Variants in EXOC4 observed in about 807,000 individuals in gnomAD.
The protein encoded by EXOC4 is SEC8-like 1.
In EXOC4, 71 loss-of-function variants were observed where a neutral mutation model predicts 107.2. That is an observed-to-expected ratio of 0.66 (90% CI 0.55 to 0.81). The LOEUF is 0.81. Among genes scored for constraint, EXOC4 ranks in the 30% least tolerant of loss-of-function variants. The probability of loss-of-function intolerance (pLI) is 0.00; values close to 1 mark genes in which losing one functional copy is unlikely to be tolerated. For synonymous variants in EXOC4, 456 were observed against 441.2 expected (o/e 1.03, Z -0.42); for missense variants, 1,108 against 1,189.6 (o/e 0.93, Z 1.01).
chr7:133,584,395 G>A (rs1009390519), intron 9 of EXOC4, among the ~76,000 whole-genome samples: 1 of 152,024 alleles, frequency 6.6e-6, no homozygotes, highest in African/African-American at 2.4e-5. Flanking sequence ...ACTCAAGATT[G>A]CATCATTCTC....
intron 1 of EXOC4, among the ~76,000 whole-genome samples, chr7:133,269,012 T>C (rs752554020): frequency 6.6e-6 from 1 of 152,220 alleles, no homozygotes; most frequent in Non-Finnish European, 1.5e-5. Flanking sequence ...TTATAAGTCA[T>C]AATCATTTTG....
intron 11 of EXOC4, among the ~76,000 whole-genome samples, chr7:133,818,918 G>T (rs1797440471): frequency 6.6e-6 from 1 of 151,948 alleles, no homozygotes; most frequent in African/African-American, 2.4e-5. Context: ...AGGCCCCCTT[G>T]CCAGGTAGCT....
chr7:133,953,154 T>C (rs895111452), intron 14 of EXOC4, among the ~76,000 whole-genome samples: 1 of 152,204 alleles, frequency 6.6e-6, no homozygotes, highest in African/African-American at 2.4e-5. Context: ...TAATAATATA[T>C]GCTAAGATCT....
chr7:133,692,297 A>C (rs1794438227), intron 10 of EXOC4, among the ~76,000 whole-genome samples: 1 of 152,060 alleles, frequency 6.6e-6, no homozygotes, highest in Admixed American at 6.5e-5. Flanking sequence ...ACACATTATT[A>C]GTTGTAAAAA....
intron 10 of EXOC4, among the ~76,000 whole-genome samples, chr7:133,632,071 C>A (rs1802605329): frequency 6.6e-6 from 1 of 152,006 alleles, no homozygotes; most frequent in African/African-American, 2.4e-5. Context: ...TATATACACA[C>A]ACATATATGT....
intron 5 of EXOC4, among the ~76,000 whole-genome samples, chr7:133,354,307 A>T (rs1446277760): frequency 6.6e-6 from 1 of 151,830 alleles, no homozygotes. Flanking sequence ...CTGGGTTTTG[A>T]TGTTGTTATT....
At chr7:133,284,515 GAT>G (rs1297803165) in intron 2 of EXOC4, among the ~76,000 whole-genome samples, 1 of 152,044 alleles carries the variant, frequency 6.6e-6, no homozygotes, top group African/African-American at 2.4e-5. Flanking sequence ...GGCTTTGAGA[GAT>G]ATGTTTTATT....
chr7:133,546,129 T>G (rs979148352), intron 9 of EXOC4, among the ~76,000 whole-genome samples: 1 of 152,174 alleles, frequency 6.6e-6, no homozygotes, highest in Non-Finnish European at 1.5e-5. Flanking sequence ...TCATAGTAAC[T>G]TTTAAGAATT....
At chr7:133,848,516 G>T (rs976816597) in intron 11 of EXOC4, among the ~76,000 whole-genome samples, 1 of 152,214 alleles carries the variant, frequency 6.6e-6, no homozygotes, top group Non-Finnish European at 1.5e-5. Context: ...GAAGGTAATT[G>T]TATCTTAGAT....
intron 9 of EXOC4, among the ~76,000 whole-genome samples, chr7:133,629,574 T>A (rs1802539264): frequency 6.8e-6 from 1 of 147,186 alleles, no homozygotes; most frequent in African/African-American, 2.5e-5. Flanking sequence ...GGAGTCTCGC[T>A]CTGTCACCCA....
At chr7:133,256,203 G>A (rs1037607099) in intron 1 of EXOC4, among the ~76,000 whole-genome samples, 1 of 152,156 alleles carries the variant, frequency 6.6e-6, no homozygotes, top group Non-Finnish European at 1.5e-5. Flanking sequence ...GGATGGTTTT[G>A]ATCTCCTGAC....
At chr7:133,961,477 G>A (rs1256852979) in intron 14 of EXOC4, among the ~76,000 whole-genome samples, 8 of 151,406 alleles carry the variant, frequency 5.3e-5, no homozygotes, top group African/African-American at 1.9e-4. Flanking sequence ...TAGTAAAGAC[G>A]CGGTTTTGCC....
At chr7:133,837,666 ATCT>A (rs535219626) in intron 11 of EXOC4, among the ~76,000 whole-genome samples, 18 of 152,286 alleles carry the variant, frequency 1.2e-4, no homozygotes, top group Non-Finnish European at 2.1e-4. Context: ...ATTGCCTGAC[ATCT>A]TCTTAGCTCG....
chr7:134,054,103 G>A (rs937970939), intron 17 of EXOC4, among the ~76,000 whole-genome samples: 8 of 152,022 alleles, frequency 5.3e-5, no homozygotes, highest in South Asian at 2.1e-4. Context: ...GCACTACCAC[G>A]CCCAGCCAAT....
chr7:133,472,011 T>C (rs947439117), intron 7 of EXOC4, among the ~76,000 whole-genome samples: 1 of 152,204 alleles, frequency 6.6e-6, no homozygotes, highest in Admixed American at 6.5e-5. Context: ...TTGTTGGTAT[T>C]TATTTAGGAG....
chr7:133,812,666 T>C (rs184435415), intron 10 of EXOC4, among the ~76,000 whole-genome samples: 2 of 152,334 alleles, frequency 1.3e-5, no homozygotes, highest in Admixed American at 1.3e-4. Context: ...GATATACATG[T>C]TTTGAAATAC....
At chr7:133,944,053 T>A (rs1484957632) in intron 14 of EXOC4, among the ~76,000 whole-genome samples, 1 of 152,168 alleles carries the variant, frequency 6.6e-6, no homozygotes, top group Non-Finnish European at 1.5e-5. Flanking sequence ...AATCTCCTTA[T>A]CTCTCTCATC....
At chr7:134,081,739 C>T in the EXOC4 span, among the ~76,000 whole-genome samples, 1 of 152,036 alleles carries the variant, frequency 6.6e-6, no homozygotes, top group African/African-American at 2.4e-5. Context: ...GAGGGGATGA[C>T]CTGCTATTCA....
rs1361471364 is a variant in EXOC4 at position 134,031,569 on chromosome 7, G to C, written c.2687+23734G>C. ...GACTAAGGAGCTTCCAGGTAGAGGA[G>C]GAGTAGATTACACTTGGGAGGGTAG... On this transcript the variant is annotated intron_variant, in intron 17 of 17. Transcript: ENST00000253861. Among the ~76,000 whole-genome samples the C allele has an allele frequency of 2.0e-5, 3 of 152,134 alleles. No homozygotes were observed. The East Asian group carries it at 5.8e-4, about 29-fold the overall frequency.
Sources: allele counts gnomAD v4.1 joint callset (sites outside exome capture counted in the v4.1 genomes callset), GRCh38; gene constraint gnomAD v4.1.1; transcripts MANE v1.5; gene names NCBI Gene and HGNC (gene_info 2026-07-23, HGNC 2026-07-21).